PKP1: variants seen among roughly 807,000 people sequenced by gnomAD.
PKP1 encodes the protein plakophilin 1, also known as plakophilin-1.
In PKP1, 27 loss-of-function variants were observed where a neutral mutation model predicts 76.4. The observed-to-expected ratio is 0.35, with a 90% confidence interval of 0.26 to 0.49. The LOEUF (loss-of-function observed/expected upper bound fraction) is 0.49, where lower values mean the gene tolerates loss of function less well. Ranked by LOEUF, PKP1 falls within the 20% of genes least tolerant of loss-of-function variation. The pLI, the probability that PKP1 is intolerant of heterozygous loss-of-function variation, is 0.99. For missense variants in PKP1, 964 were observed against 955.2 expected (o/e 1.01, Z -0.12); for synonymous variants, 404 against 384.2 (o/e 1.05, Z -0.60).
intron 8 of PKP1, 67 bp from the exon 9 acceptor site, chr1:201,322,946 G>C: frequency 1.3e-6 from 2 of 1,521,462 alleles, no homozygotes; most frequent in Admixed American, 1.7e-5. Context: ...GATGGGGACA[G>C]AATGCCTGGG....
chr1:201,318,838 G>A, intron 6 of PKP1, 43 bp downstream of exon 6: 1 of 1,518,700 alleles, frequency 6.6e-7, no homozygotes, highest in Non-Finnish European at 9.0e-7. Flanking sequence ...CCCAGCCTTG[G>A]GCCCTTCCCC....
At chr1:201,316,133 CGGACGGAT>C (rs1200771706) in intron 3 of PKP1, 9 of 93,120 alleles carry the variant, frequency 9.7e-5, no homozygotes, top group Admixed American at 2.5e-4. Context: ...GACGGACGGA[CGGACGGAT>C]GGACGGACGG....
Position 201,318,701 on chromosome 1 carries a change from A to T in PKP1, c.1138A>T (p.Ile380Phe). 1 of 1,612,368 alleles carries T rather than the reference A, an allele frequency of 6.2e-7. No homozygotes were observed. Among genetic ancestry groups the T allele is most frequent in the East Asian group, 2.2e-5 (1 of 44,886 alleles). ...CCTGCCTGTTCTGGCCGACCGCGTC[A>T]TCATTCCCTTCTCTGGCTGGTGCGA... ...DALPVLADRV[I>F]IPFSGWCDGN... Residue 380 changes from isoleucine (I) to phenylalanine (F), a missense_variant, in exon 6 of 14, where the codon ATC becomes TTC. Transcript: ENST00000367324.
At chr1:201,315,078 C>A (rs1425823289) in intron 3 of PKP1, among the ~76,000 whole-genome samples, 3 of 152,204 alleles carry the variant, frequency 2.0e-5, no homozygotes, top group African/African-American at 7.2e-5. Flanking sequence ...TACCTGATGG[C>A]CGTAAGGCGT....
chr1:201,296,679 AG>A (rs1262995922), intron 2 of PKP1, among the ~76,000 whole-genome samples: 1 of 152,258 alleles, frequency 6.6e-6, no homozygotes, highest in Non-Finnish European at 1.5e-5. Context: ...AGAAGCACAG[AG>A]GTCAACAGAC....
chr1:201,307,990 G>A (rs536223967), intron 2 of PKP1, among the ~76,000 whole-genome samples: 2 of 152,300 alleles, frequency 1.3e-5, no homozygotes, highest in African/African-American at 4.8e-5. Context: ...CCACCCTGCT[G>A]GCAGAAGCTT....
In PKP1 at chr1:201,332,168, T is replaced by G. The variant is rs1370054108; in HGVS notation, c.*2127T>G. Reference sequence around the variant, plus strand: ...CAGGGCGGGAGGGGAAATGCACCGCTGCATGTGAACCTTACCAGCCCAGGC... The same window carrying G: ...CAGGGCGGGAGGGGAAATGCACCGCGGCATGTGAACCTTACCAGCCCAGGC... On this transcript the variant is annotated 3_prime_UTR_variant, in exon 14 of 14. Coordinates refer to ENST00000367324, the MANE Select transcript of PKP1 (RefSeq NM_001005337.3). 1 of 152,294 alleles carries G rather than the reference T, an allele frequency of 6.6e-6. No individual in the cohort carries two copies. The highest frequency in any genetic ancestry group is 1.5e-5 in the Non-Finnish European group (1 of 68,114). 9.4% of individuals were successfully genotyped at this position (152,294 alleles called of 1,614,324 possible).
chr1:201,287,534 C>T (rs1655776863), intron 1 of PKP1, among the ~76,000 whole-genome samples: 1 of 152,202 alleles, frequency 6.6e-6, no homozygotes, highest in Non-Finnish European at 1.5e-5. Flanking sequence ...GCTATGTGTG[C>T]TTTAGCTTGT....
In PKP1 at chr1:201,322,902, G is replaced by A. The variant is rs527840027; in HGVS notation, c.1504-111G>A. On this transcript the variant is annotated intron_variant, in intron 8 of 13. Transcript: ENST00000367324. The stretch of plus-strand genomic sequence containing the variant: ...GCCTCTGCAGGCGCTTCCTCAGCTT[G>A]CCCTATCTGGAACCACGACCCTGAG... 4.6e-5 allele frequency: 53 copies of A among 1,145,442 alleles called. No homozygotes were observed. The African/African-American group carries it at 7.5e-4, about 16-fold the overall frequency. The allele number at this position is 1,145,442 out of a possible 1,614,324, so 71.0% of individuals were successfully genotyped here.
intron 1 of PKP1, among the ~76,000 whole-genome samples, chr1:201,291,400 A>G (rs1034074593): frequency 6.6e-6 from 1 of 152,150 alleles, no homozygotes; most frequent in Non-Finnish European, 1.5e-5. Flanking sequence ...CTCTCCCTCC[A>G]TGTGTCTGTG....
At chr1:201,306,871 A>T (rs1052199658) in intron 2 of PKP1, among the ~76,000 whole-genome samples, 11 of 151,888 alleles carry the variant, frequency 7.2e-5, no homozygotes, top group African/African-American at 2.7e-4. Flanking sequence ...TTTAGTAGAG[A>T]TGGGGTTTCA....
At chr1:201,323,355 T>C (rs1228793416) in intron 9 of PKP1, among the ~76,000 whole-genome samples, 166 bp downstream of exon 9, 1 of 152,074 alleles carries the variant, frequency 6.6e-6, no homozygotes, top group Non-Finnish European at 1.5e-5. Flanking sequence ...GGGGAAACAC[T>C]CCTGCCCTTT....
rs547479422 is a variant in PKP1, at chr1:201,324,658, T to A, written c.1834+77T>A. On this transcript the variant is annotated intron_variant, in intron 10 of 13. Coordinates refer to ENST00000367324, the MANE Select transcript of PKP1 (RefSeq NM_001005337.3). ...ACAATTCAAGCCTGCTTGAAGGTCA[T>A]CCTTTAAGCCATTCCCTGGGATGAG... The A allele has an allele frequency of 6.9e-5, 106 of 1,535,546 alleles. No homozygotes were observed. In the East Asian group the frequency reaches 2.3e-3, roughly 33 times the overall value.
At position 201,283,675 on chromosome 1, in the gene PKP1, G is replaced by A; in HGVS notation, c.-28G>A. On this transcript the variant is annotated 5_prime_UTR_variant, in exon 1 of 14. Transcript: ENST00000367324. Reference sequence around the variant, plus strand: ...TCGCCTCTCTGCTCTCCTAGGCCCCGGCCGCGCGCCACCCGCCTCCCGCCA... The same window carrying A: ...TCGCCTCTCTGCTCTCCTAGGCCCCAGCCGCGCGCCACCCGCCTCCCGCCA... The A allele has an allele frequency of 6.2e-7, 1 of 1,605,214 alleles. No individual in the cohort carries two copies. Among genetic ancestry groups the A allele is most frequent in the Non-Finnish European group, 8.5e-7 (1 of 1,174,750 alleles).
chr1:201,315,203 T>G (rs1270344965), intron 3 of PKP1, among the ~76,000 whole-genome samples: 1 of 151,982 alleles, frequency 6.6e-6, no homozygotes, highest in Non-Finnish European at 1.5e-5. Context: ...AGGTTCTAGG[T>G]GAGATATGGA....
chr1:201,284,007 C>G lies in PKP1; in HGVS notation c.202+103C>G, dbSNP rs994876512. 9.4e-6 allele frequency: 10 copies of G among 1,067,642 alleles called. No individual in the cohort carries two copies. The African/African-American group carries it at 1.1e-4, about 12-fold the overall frequency. The allele number at this position is 1,067,642 out of a possible 1,614,324, so 66.1% of individuals were successfully genotyped here. A position where few individuals can be genotyped will look rare whatever the true frequency, so the allele number is the denominator to read the frequency against. ...ACGCATCCCCGGGGATGAGGGGAGG[C>G]GAGGGGCTGCCGGCCCCAGGCAGGG... On this transcript the variant is annotated intron_variant, in intron 1 of 13. Transcript: ENST00000367324.
intron 2 of PKP1, 61 bp from the exon 3 acceptor site, chr1:201,313,105 G>C: frequency 5.2e-6 from 8 of 1,551,782 alleles, no homozygotes; most frequent in South Asian, 1.2e-5. Context: ...CTCATGCCCT[G>C]CTGGATCCAG....
intron 2 of PKP1, among the ~76,000 whole-genome samples, chr1:201,306,570 T>G (rs1794862): frequency 0.5 from 75,766 of 152,302 alleles, 22,890 homozygotes; most frequent in East Asian, 0.74. Context: ...CTGGCATGAT[T>G]GAAGTATGCT....
chr1:201,329,455 G>T (rs1442236151), intron 13 of PKP1, among the ~76,000 whole-genome samples: 1 of 152,220 alleles, frequency 6.6e-6, no homozygotes, highest in Non-Finnish European at 1.5e-5. Flanking sequence ...AATAGCCCTG[G>T]AGTGGGATCC....
Sources: gnomAD v4.1 joint callset for allele counts (sites outside exome capture counted in the v4.1 genomes callset) on GRCh38, gnomAD v4.1.1 for gene constraint, MANE v1.5 for transcripts, NCBI Gene and HGNC (gene_info 2026-07-23, HGNC 2026-07-21) for gene names.